Variants in TGFBI observed in about 807,000 individuals in gnomAD.
The protein encoded by TGFBI is transforming growth factor-beta-induced protein ig-h3.
In TGFBI, 50 loss-of-function variants were observed where a neutral mutation model predicts 73.7. The ratio of observed to expected loss-of-function variants is 0.68; its 90% CI spans 0.54 to 0.86. TGFBI has a LOEUF of 0.86. Ranked by LOEUF, TGFBI falls within the 40% of genes least tolerant of loss-of-function variation. The pLI is 0.00. For synonymous variants in TGFBI, 362 were observed against 360.5 expected, an observed-to-expected ratio of 1.00 and a Z score of -0.05; for missense variants, 839 against 877.0, an observed-to-expected ratio of 0.96 and a Z score of 0.55.
At chr5:136,035,791 C>G (rs943938342) in intron 2 of TGFBI, among the ~76,000 whole-genome samples, 4 of 152,096 alleles carry the variant, frequency 2.6e-5, no homozygotes, top group Admixed American at 6.5e-5. Context: ...GCCAAGCAAA[C>G]AACTCTTCTA....
At chr5:136,032,766 T>G (rs1262858075) in intron 1 of TGFBI, among the ~76,000 whole-genome samples, 2 of 152,150 alleles carry the variant, frequency 1.3e-5, no homozygotes, top group Non-Finnish European at 2.9e-5. Context: ...ACTGACCACG[T>G]AGCACAGCAG....
rs1003603883 is a variant in TGFBI, at chr5:136,055,748, G to A, written c.1479G>A (p.Thr493=). ...GGGGGAGGTACGGGACCCTGTTCAC[G>A]ATGGACCGGGTGCTGACCCCCCCAA... is the stretch of plus-strand genomic sequence containing the variant. ...DKRGRYGTLF[T]MDRVLTPPMG... The change falls in exon 11 of 17, where the codon ACG becomes ACA. Residue 493 remains threonine (T), a synonymous_variant. Coordinates refer to ENST00000442011, the MANE Select transcript of TGFBI (RefSeq NM_000358.3). 5.6e-6 allele frequency: 9 copies of A among 1,612,868 alleles called. No individual in the cohort carries two copies. The highest frequency in any genetic ancestry group is 1.3e-5 in the African/African-American group (1 of 75,050).
Position 136,061,994 on chromosome 5 carries a change from G to T in TGFBI, c.1986+415G>T, listed in dbSNP as rs566414223. On this transcript the variant is annotated intron_variant, in intron 15 of 16. Transcript: ENST00000442011. ...CATTGCCCATCCTGGGTGAGGCTGG[G>T]GCTCTCCTGGGCACTGTATGTATTC... is the stretch of plus-strand genomic sequence containing the variant. 4.5e-4 allele frequency among the ~76,000 whole-genome samples: 69 copies of T among 152,282 alleles called. 1 individual carries two copies. In the South Asian group the frequency reaches 0.014, roughly 32 times the overall value.
At position 136,054,824 on chromosome 5, in the gene TGFBI, T is replaced by C. The variant is rs753393470; in HGVS notation, c.1373T>C (p.Leu458Pro). ...TACCATGGACAGACCCTGGAAACTC[T>C]GGGCGGCAAAAAACTGAGAGTTTTT... ...YLYHGQTLET[L>P]GGKKLRVFVY... Residue 458 changes from leucine (L) to proline (P), a missense_variant, in exon 10 of 17, where the codon CTG becomes CCG. By Grantham distance (98) the Leu-to-Pro change is moderately conservative. Coordinates refer to ENST00000442011, the MANE Select transcript of TGFBI (RefSeq NM_000358.3). 1.2e-6 allele frequency: 2 copies of C among 1,613,880 alleles called. No homozygotes were observed. The highest frequency in any genetic ancestry group is 1.7e-6 in the Non-Finnish European group (2 of 1,179,858).
intron 15 of TGFBI, 108 bp from the exon 16 acceptor site, chr5:136,062,555 G>A (rs879157783): frequency 1.3e-5 from 15 of 1,175,638 alleles, no homozygotes; most frequent in East Asian, 7.7e-5. Context: ...CCTCTTCCTC[G>A]CCCCAGCATT....
intron 1 of TGFBI, among the ~76,000 whole-genome samples, chr5:136,030,646 T>A (rs1751102855): frequency 6.6e-6 from 1 of 152,166 alleles, no homozygotes. Context: ...GAGAGGGATA[T>A]GAGGCCTCAA....
Position 136,033,862 on chromosome 5 carries a change from G to A in TGFBI, c.233+1G>A, listed in dbSNP as rs765542623. The stretch of plus-strand genomic sequence containing the variant: ...AAAGGAAAATCTGTGGCAAATCAAC[G>A]TGAGTATCTGTAACCAGCCAGGAGA... On this transcript the variant is annotated splice_donor_variant, in intron 2 of 16. Transcript: ENST00000442011. LOFTEE classifies it high-confidence loss of function. The A allele has an allele frequency of 4.3e-6, 7 of 1,612,726 alleles. No individual in the cohort carries two copies. The highest frequency in any genetic ancestry group is 1.7e-5 in the Admixed American group (1 of 59,962).
chr5:136,061,542 C>CTT lies in TGFBI; in HGVS notation c.1949_1950insTT (p.Leu651CysfsTer21). 6.2e-7 allele frequency: 1 copy of CTT among 1,612,298 alleles called. No individual in the cohort carries two copies. The highest frequency in any genetic ancestry group is 8.5e-7 in the Non-Finnish European group (1 of 1,179,190). On this transcript the variant is annotated frameshift_variant, in exon 15 of 17. Coordinates refer to ENST00000442011, the MANE Select transcript of TGFBI (RefSeq NM_000358.3). LOFTEE classifies it high-confidence loss of function. ...AGAGGGGATGAACTTGCAGACTCTG[C>CTT]GCTTGAGATCTTCAAACAAGCATCA...
At chr5:136,056,640 A>G (rs796996840) in intron 11 of TGFBI, 25 bp from the exon 12 acceptor site, 1 of 1,613,682 alleles carries the variant, frequency 6.2e-7, no homozygotes, top group South Asian at 1.1e-5. Context: ...TTGACAGGTG[A>G]CATTTTCTGT....
At chr5:136,040,543 C>A (rs1751310969) in intron 2 of TGFBI, among the ~76,000 whole-genome samples, 2 of 152,208 alleles carry the variant, frequency 1.3e-5, no homozygotes, top group African/African-American at 4.8e-5. Context: ...CAAAACCACC[C>A]CTTCCCCCTG....
In TGFBI at chr5:136,056,780, C is replaced by T. The variant is rs121909208; in HGVS notation, c.1663C>T (p.Arg555Trp). ...CTTCCGAGCCCTGCCACCAAGAGAACGGAGCAGACTCTTGGGTAAAGACCA... is the reference window on the plus strand; with the variant it reads ...CTTCCGAGCCCTGCCACCAAGAGAATGGAGCAGACTCTTGGGTAAAGACCA... ...EAFRALPPRE[R>W]SRLLGDAKEL... The change falls in exon 12 of 17, where the codon CGG becomes TGG. Residue 555 changes from arginine to tryptophan, a missense_variant. Arg to Trp is a moderately radical substitution (Grantham distance 101). Coordinates refer to ENST00000442011, the MANE Select transcript of TGFBI (RefSeq NM_000358.3). 3 of 1,613,608 alleles carry T rather than the reference C, an allele frequency of 1.9e-6. No homozygotes were observed. Among genetic ancestry groups the T allele is most frequent in the South Asian group, 2.2e-5 (2 of 91,066 alleles).
At chr5:136,045,680 ACT>A (rs981062677) in intron 3 of TGFBI, 6 of 152,160 alleles carry the variant, frequency 3.9e-5, no homozygotes, top group African/African-American at 1.4e-4. Flanking sequence ...GGAGGTACTG[ACT>A]CAAGTGGAGG....
chr5:136,053,724 T>A (rs1426644731), intron 8 of TGFBI, among the ~76,000 whole-genome samples: 2 of 152,210 alleles, frequency 1.3e-5, no homozygotes, highest in African/African-American at 4.8e-5. Context: ...GATCTCTGCC[T>A]AACTGAGCTC....
At chr5:136,042,832 G>A (rs1286351129) in intron 2 of TGFBI, among the ~76,000 whole-genome samples, 2 of 152,100 alleles carry the variant, frequency 1.3e-5, no homozygotes, top group Non-Finnish European at 2.9e-5. Flanking sequence ...CTTCATCTTC[G>A]CTTAACTAAG....
rs759976271 is a variant in TGFBI at position 136,044,097 on chromosome 5, C to T, written c.273C>T (p.Val91=). ...SYECCPGYEK[V]PGEKGCPAAL... ...AGTGCTGTCCTGGATATGAAAAGGT[C>T]CCTGGGGAGAAGGGCTGTCCAGCAG... Residue 91 remains valine, a synonymous_variant, in exon 3 of 17, where the codon GTC becomes GTT. Coordinates refer to ENST00000442011, the MANE Select transcript of TGFBI (RefSeq NM_000358.3). 4 of 1,612,858 alleles carry T rather than the reference C, an allele frequency of 2.5e-6. No individual in the cohort carries two copies. Among genetic ancestry groups the T allele is most frequent in the Non-Finnish European group, 3.4e-6 (4 of 1,179,376 alleles).
In TGFBI at chr5:136,032,914, C is replaced by T. The variant is rs114938882; in HGVS notation, c.135-849C>T. Among the ~76,000 whole-genome samples, 1,185 of 152,200 alleles carry T rather than the reference C, an allele frequency of 7.8e-3. 11 individuals carry two copies. The highest frequency in any genetic ancestry group is 0.023 in the African/African-American group (975 of 41,522). On this transcript the variant is annotated intron_variant, in intron 1 of 16. Transcript: ENST00000442011. ...TTCTGGAAAAGGCTTCTTAGCAGAA[C>T]CCCCAGACATTTACACTCTGCTTTT...
chr5:136,059,542 C>T (rs990257173), intron 13 of TGFBI, among the ~76,000 whole-genome samples: 19 of 152,154 alleles, frequency 1.2e-4, no homozygotes, highest in African/African-American at 3.9e-4. Flanking sequence ...TCTGTACTCA[C>T]ACCATCCCAC....
chr5:136,058,940 T>C (rs1751697513), intron 12 of TGFBI, 150 bp from the exon 13 acceptor site: 1 of 937,156 alleles, frequency 1.1e-6, no homozygotes, highest in Non-Finnish European at 1.6e-6. Flanking sequence ...ACGTTGAGTA[T>C]ACAGTGGGAG....
At chr5:136,062,578 G>A in intron 15 of TGFBI, 85 bp from the exon 16 acceptor site, 1 of 1,370,892 alleles carries the variant, frequency 7.3e-7, no homozygotes, top group Non-Finnish European at 1.0e-6. Flanking sequence ...TTCTGAGTAG[G>A]GGTGGCAATG....
Sources: gnomAD v4.1 joint callset for allele counts (sites outside exome capture counted in the v4.1 genomes callset) on GRCh38, gnomAD v4.1.1 for gene constraint, MANE v1.5 for transcripts, NCBI Gene and HGNC (gene_info 2026-07-23, HGNC 2026-07-21) for gene names.